The following HPSE2 variants were observed in gnomAD, a reference collection of about 807,000 sequenced individuals.
The protein encoded by HPSE2 is heparanase 2 (inactive).
HPSE2 carries 38 observed loss-of-function variants against 60.5 expected under a neutral mutation model. The observed-to-expected ratio is 0.63, with a 90% CI of 0.48 to 0.82. The LOEUF is 0.82. Among genes scored for constraint, HPSE2 ranks in the 40% least tolerant of loss-of-function variants. The pLI is 0.00. For synonymous variants in HPSE2, 295 were observed against 293.2 expected (o/e 1.01, Z -0.06); for missense variants, 713 against 740.4 (o/e 0.96, Z 0.43).
intron 3 of HPSE2, among the ~76,000 whole-genome samples, chr10:98,871,622 T>C (rs1952734597): frequency 6.6e-6 from 1 of 152,100 alleles, no homozygotes; most frequent in Non-Finnish European, 1.5e-5. Flanking sequence ...ATTTACTAAA[T>C]TCATGCTGAA....
Position 98,984,050 on chromosome 10 carries a change from G to A in HPSE2, c.610+160188C>T, listed in dbSNP as rs182003293. On this transcript the variant is annotated intron_variant, in intron 3 of 11. Transcript: ENST00000370552. ...TCAAGGAGGCCTGCCTGCCTCTGTA[G>A]ACTCCACCTCTGGGGGCAGAGCATA... is the stretch of plus-strand genomic sequence containing the variant. Among the ~76,000 whole-genome samples, 823 of 152,322 alleles carry A rather than the reference G, an allele frequency of 5.4e-3. 5 individuals are homozygous for A. The highest frequency in any genetic ancestry group is 0.019 in the African/African-American group (786 of 41,572).
intron 9 of HPSE2, among the ~76,000 whole-genome samples, chr10:98,590,908 T>C (rs946572130): frequency 4.6e-5 from 7 of 152,168 alleles, no homozygotes; most frequent in African/African-American, 1.7e-4. Flanking sequence ...AAGATTTTTT[T>C]AAATGAAGGC....
chr10:98,762,309 C>G (rs1950024461), intron 3 of HPSE2, among the ~76,000 whole-genome samples: 1 of 149,922 alleles, frequency 6.7e-6, no homozygotes, highest in Non-Finnish European at 1.5e-5. Flanking sequence ...GTGGGGGGTG[C>G]TAAAACCTTG....
intron 3 of HPSE2, among the ~76,000 whole-genome samples, chr10:98,835,746 T>C (rs556725226): frequency 4.2e-4 from 64 of 152,334 alleles, no homozygotes; most frequent in African/African-American, 1.5e-3. Context: ...TTCAGTCACA[T>C]ATTTTAAAAA....
chr10:98,788,525 C>T (rs1375917588), intron 3 of HPSE2, among the ~76,000 whole-genome samples: 1 of 151,134 alleles, frequency 6.6e-6, no homozygotes, highest in Non-Finnish European at 1.5e-5. Flanking sequence ...TGGGCAATGG[C>T]AGGCGCCCCT....
At chr10:99,183,023 G>A (rs1847837302) in intron 2 of HPSE2, among the ~76,000 whole-genome samples, 1 of 152,016 alleles carries the variant, frequency 6.6e-6, no homozygotes, top group African/African-American at 2.4e-5. Flanking sequence ...TTCAGATATA[G>A]GTAAACAGAA....
chr10:98,537,920 T>C (rs1189334104), intron 9 of HPSE2, among the ~76,000 whole-genome samples: 1 of 152,238 alleles, frequency 6.6e-6, no homozygotes, highest in South Asian at 2.1e-4. Flanking sequence ...TCATAGTAGA[T>C]AGCGGTAGAA....
intron 2 of HPSE2, among the ~76,000 whole-genome samples, chr10:99,208,067 T>C (rs899709027): frequency 1.3e-5 from 2 of 150,132 alleles, no homozygotes; most frequent in African/African-American, 4.9e-5. Context: ...AATAGTATTA[T>C]AACAAGTTAT....
intron 9 of HPSE2, among the ~76,000 whole-genome samples, chr10:98,564,704 C>G (rs1944289419): frequency 6.6e-6 from 1 of 152,072 alleles, no homozygotes; most frequent in South Asian, 2.1e-4. Flanking sequence ...TAAACTAAAC[C>G]AAACAAACAT....
At chr10:98,513,097 G>T (rs185247812) in intron 9 of HPSE2, among the ~76,000 whole-genome samples, 1 of 152,128 alleles carries the variant, frequency 6.6e-6, no homozygotes, top group African/African-American at 2.4e-5. Context: ...TTTTCTCACA[G>T]ATGTATCCCT....
chr10:99,130,734 G>A (rs771568335), intron 3 of HPSE2, among the ~76,000 whole-genome samples: 8 of 152,184 alleles, frequency 5.3e-5, no homozygotes, highest in Admixed American at 1.3e-4. Flanking sequence ...AGGTGCAGGG[G>A]CCTTAAGACT....
intron 9 of HPSE2, among the ~76,000 whole-genome samples, chr10:98,545,984 T>C (rs1943659891): frequency 7.0e-6 from 1 of 142,754 alleles, no homozygotes; most frequent in African/African-American, 2.5e-5. Context: ...TGTGCAAAAA[T>C]CACAAGCATT....
chr10:99,290,461 A>C, the HPSE2 span, among the ~76,000 whole-genome samples: 1 of 152,238 alleles, frequency 6.6e-6, no homozygotes, highest in Non-Finnish European at 1.5e-5. Flanking sequence ...ACTGAGCCCA[A>C]CTGACAACAG....
intron 3 of HPSE2, among the ~76,000 whole-genome samples, chr10:98,796,001 G>A (rs1220754920): frequency 6.6e-6 from 1 of 152,186 alleles, no homozygotes; most frequent in East Asian, 1.9e-4. Flanking sequence ...GAGCCCTTGG[G>A]TCCTGAATAA....
chr10:98,678,124 G>C (rs569728935), intron 6 of HPSE2, among the ~76,000 whole-genome samples: 30 of 152,258 alleles, frequency 2.0e-4, no homozygotes, highest in African/African-American at 6.7e-4. Flanking sequence ...TAAGACCAAA[G>C]AGAGAAAAAG....
chr10:98,478,171 T>C (rs1188932916), intron 11 of HPSE2, among the ~76,000 whole-genome samples: 2 of 152,266 alleles, frequency 1.3e-5, no homozygotes, highest in African/African-American at 4.8e-5. Flanking sequence ...TTATCCAGAA[T>C]GGGAACCATT....
At chr10:98,491,113 T>C (rs891993819) in intron 9 of HPSE2, among the ~76,000 whole-genome samples, 2 of 152,186 alleles carry the variant, frequency 1.3e-5, no homozygotes, top group African/African-American at 4.8e-5. Flanking sequence ...CTGAATTCAG[T>C]GAATATACTA....
chr10:99,312,679 C>T, the HPSE2 span, among the ~76,000 whole-genome samples: 1 of 152,336 alleles, frequency 6.6e-6, no homozygotes, highest in Non-Finnish European at 1.5e-5. Context: ...TGTGCCAACA[C>T]GTCATCCATT....
At chr10:98,460,937 G>C (rs1025892921) in intron 11 of HPSE2, among the ~76,000 whole-genome samples, 21 of 152,208 alleles carry the variant, frequency 1.4e-4, no homozygotes, top group Non-Finnish European at 2.6e-4. Flanking sequence ...CAGCAGAAAA[G>C]GCCAGAAACA....
Sources: allele counts gnomAD v4.1 joint callset (sites outside exome capture counted in the v4.1 genomes callset), GRCh38; gene constraint gnomAD v4.1.1; transcripts MANE v1.5; gene names NCBI Gene and HGNC (gene_info 2026-07-23, HGNC 2026-07-21).